FBXL7: variants seen among roughly 807,000 people sequenced by gnomAD.
FBXL7 encodes F-box and leucine rich repeat protein 7, also known as F-box/LRR-repeat protein 7.
Under a neutral mutation model 38.3 loss-of-function variants are expected in FBXL7, and 12 were observed. The ratio of observed to expected loss-of-function variants is 0.31; its 90% CI spans 0.20 to 0.51. The LOEUF is 0.51. FBXL7 is among the 20% of genes least tolerant of loss of function. FBXL7 has a pLI of 0.98. For synonymous variants in FBXL7, 297 were observed against 300.9 expected (o/e 0.99, Z 0.13); for missense variants, 567 against 676.4 (o/e 0.84, Z 1.79).
intron 2 of FBXL7, among the ~76,000 whole-genome samples, chr5:15,777,865 C>T (rs2126717730): frequency 6.6e-6 from 1 of 151,858 alleles, no homozygotes; most frequent in East Asian, 1.9e-4. Flanking sequence ...TTCTCTCTGG[C>T]CATATTGAGG....
At chr5:15,638,856 A>G (rs778904470) in intron 2 of FBXL7, among the ~76,000 whole-genome samples, 7 of 152,212 alleles carry the variant, frequency 4.6e-5, no homozygotes, top group Non-Finnish European at 8.8e-5. Flanking sequence ...GCAATATTTC[A>G]GACTTTGTGA....
chr5:15,801,979 G>C (rs1214250119), intron 2 of FBXL7, among the ~76,000 whole-genome samples: 1 of 152,064 alleles, frequency 6.6e-6, no homozygotes, highest in Non-Finnish European at 1.5e-5. Context: ...TACTTAGTCT[G>C]ATGGGGTATT....
In FBXL7 at chr5:15,938,742, A is replaced by T; in HGVS notation, c.*1556A>T. The T allele has an allele frequency of 2.8e-6, 1 of 362,442 alleles. No homozygotes were observed. Among genetic ancestry groups the T allele is most frequent in the Non-Finnish European group, 4.9e-6 (1 of 204,092 alleles). 22.5% of individuals were successfully genotyped at this position (362,442 alleles called of 1,614,324 possible). ...ATTACAAGGTATGGATTTTAAATGG[A>T]TGAAACTTCAAATTATCTTATTTGG... On this transcript the variant is annotated 3_prime_UTR_variant, in exon 4 of 4. Coordinates refer to ENST00000504595, the MANE Select transcript of FBXL7 (RefSeq NM_012304.5).
intron 2 of FBXL7, among the ~76,000 whole-genome samples, chr5:15,722,998 G>C (rs368346419): frequency 5.3e-5 from 8 of 151,442 alleles, no homozygotes; most frequent in African/African-American, 1.9e-4. Context: ...CAAGGGAATG[G>C]ATAATTCATG....
At chr5:15,590,503 C>T (rs933821907) in intron 1 of FBXL7, among the ~76,000 whole-genome samples, 2 of 152,012 alleles carry the variant, frequency 1.3e-5, no homozygotes, top group African/African-American at 4.8e-5. Flanking sequence ...TTCACCTCTA[C>T]CTCCCACCTC....
chr5:15,815,550 A>C (rs1027579908), intron 2 of FBXL7, among the ~76,000 whole-genome samples: 2 of 152,168 alleles, frequency 1.3e-5, no homozygotes, highest in African/African-American at 4.8e-5. Flanking sequence ...TGATGGGAAA[A>C]TTCTGCCTTG....
At chr5:15,808,531 C>T (rs1737775732) in intron 2 of FBXL7, among the ~76,000 whole-genome samples, 1 of 152,164 alleles carries the variant, frequency 6.6e-6, no homozygotes, top group Non-Finnish European at 1.5e-5. Context: ...ATCCTGATAA[C>T]AAGTTTTTGA....
At chr5:15,897,480 A>T (rs186749914) in intron 2 of FBXL7, among the ~76,000 whole-genome samples, 1 of 152,344 alleles carries the variant, frequency 6.6e-6, no homozygotes, top group East Asian at 1.9e-4. Flanking sequence ...AACATAGAAC[A>T]TGCTGTAATA....
At chr5:15,750,728 G>A (rs1032869232) in intron 2 of FBXL7, among the ~76,000 whole-genome samples, 2 of 151,982 alleles carry the variant, frequency 1.3e-5, no homozygotes, top group African/African-American at 4.8e-5. Flanking sequence ...TTGCCCTAAC[G>A]TCATGAGCGG....
At chr5:15,506,021 C>A (rs1736636928) in intron 1 of FBXL7, among the ~76,000 whole-genome samples, 1 of 152,132 alleles carries the variant, frequency 6.6e-6, no homozygotes, top group Non-Finnish European at 1.5e-5. Flanking sequence ...GGTAAGACAG[C>A]AAAGCTAGCA....
intron 2 of FBXL7, among the ~76,000 whole-genome samples, chr5:15,735,599 G>A (rs1448507614): frequency 6.6e-6 from 1 of 152,198 alleles, no homozygotes; most frequent in African/African-American, 2.4e-5. Context: ...AGAAAGTGAT[G>A]GGAAGTACAA....
At chr5:15,710,238 C>G (rs1378367168) in intron 2 of FBXL7, among the ~76,000 whole-genome samples, 1 of 152,138 alleles carries the variant, frequency 6.6e-6, no homozygotes, top group Non-Finnish European at 1.5e-5. Flanking sequence ...TATGGCTGAG[C>G]CACGCACACC....
rs561779814 is a variant in FBXL7, at chr5:15,671,176, G to A, written c.127+55104G>A. ...CTCCCACTTTTGTAGTGGGAAGAAT[G>A]CAAAGTTGCTATAGTTCTGTACTCT... On this transcript the variant is annotated intron_variant, in intron 2 of 3. Coordinates refer to ENST00000504595, the MANE Select transcript of FBXL7 (RefSeq NM_012304.5). Among the ~76,000 whole-genome samples, 4 of 152,250 alleles carry A rather than the reference G, an allele frequency of 2.6e-5. No individual in the cohort carries two copies. In the East Asian group the frequency reaches 7.7e-4, roughly 29 times the overall value.
At chr5:15,780,055 A>T (rs149029063) in intron 2 of FBXL7, among the ~76,000 whole-genome samples, 1 of 152,208 alleles carries the variant, frequency 6.6e-6, no homozygotes, top group Non-Finnish European at 1.5e-5. Flanking sequence ...CTCTTTGGCC[A>T]GTCCTCCTTT....
chr5:15,875,004 C>G (rs1234876540), intron 2 of FBXL7, among the ~76,000 whole-genome samples: 1 of 152,200 alleles, frequency 6.6e-6, no homozygotes, highest in East Asian at 1.9e-4. Context: ...CGCTACCTGA[C>G]TTCAAACTAT....
At chr5:15,931,059 T>C (rs1742025018) in intron 3 of FBXL7, among the ~76,000 whole-genome samples, 1 of 152,240 alleles carries the variant, frequency 6.6e-6, no homozygotes, top group South Asian at 2.1e-4. Flanking sequence ...AGACTGCCTA[T>C]CCTATCCCTA....
intron 2 of FBXL7, among the ~76,000 whole-genome samples, chr5:15,750,630 G>A (rs1736130560): frequency 6.6e-6 from 1 of 152,022 alleles, no homozygotes; most frequent in African/African-American, 2.4e-5. Context: ...TCTTGCCTTT[G>A]GGCACCTGAA....
In FBXL7 at chr5:15,915,072, G is replaced by A. The variant is rs536660062; in HGVS notation, c.128-12818G>A. ...ATTCATCAGTTAATCTGGAGAAACA[G>A]GCCTTCTGGGCTGGGAGAACATGAG... On this transcript the variant is annotated intron_variant, in intron 2 of 3. Coordinates refer to ENST00000504595, the MANE Select transcript of FBXL7 (RefSeq NM_012304.5). Among the ~76,000 whole-genome samples, 35 of 152,334 alleles carry A rather than the reference G, an allele frequency of 2.3e-4. 1 individual carries two copies. Among genetic ancestry groups the A allele is most frequent in the African/African-American group, 7.9e-4 (33 of 41,580 alleles).
chr5:15,507,918 C>T (rs1017952427), intron 1 of FBXL7, among the ~76,000 whole-genome samples: 5 of 152,042 alleles, frequency 3.3e-5, no homozygotes, highest in African/African-American at 1.2e-4. Flanking sequence ...TGATGGGTGC[C>T]TGTAATCCCA....
Sources: allele counts gnomAD v4.1 joint callset (sites outside exome capture counted in the v4.1 genomes callset), GRCh38; gene constraint gnomAD v4.1.1; transcripts MANE v1.5; gene names NCBI Gene and HGNC (gene_info 2026-07-23, HGNC 2026-07-21).